CFAP92: variants seen among roughly 807,000 people sequenced by gnomAD.
CFAP92 encodes uncharacterized protein CFAP92.
In CFAP92, 86 loss-of-function variants were observed where a neutral mutation model predicts 106.3. The observed-to-expected ratio is 0.81, with a 90% CI of 0.68 to 0.97. CFAP92 has a LOEUF of 0.97. Ranked by LOEUF, CFAP92 falls within the 50% of genes least tolerant of loss-of-function variation. CFAP92 has a pLI of 0.00. For synonymous variants in CFAP92, 477 were observed against 506.4 expected (o/e 0.94, Z 0.78); for missense variants, 1,204 against 1,283.8 (o/e 0.94, Z 0.95).
upstream of CFAP92, chr3:129,004,126 A>C: frequency 7.1e-7 from 1 of 1,418,294 alleles, no homozygotes; most frequent in Non-Finnish European, 9.2e-7. Flanking sequence ...TTCGGCTCCC[A>C]TTTTCCCAAA....
chr3:128,998,650 C>G (rs533698226), upstream of CFAP92, among the ~76,000 whole-genome samples: 1 of 152,282 alleles, frequency 6.6e-6, no homozygotes, highest in African/African-American at 2.4e-5. Context: ...CGGAGAAAAG[C>G]TGAAAACCAC....
chr3:128,969,831 G>T (rs1205609477), intron 8 of CFAP92: 7 of 152,326 alleles, frequency 4.6e-5, no homozygotes, highest in African/African-American at 1.7e-4. Context: ...GGAGCGTGGG[G>T]TGGGGTAAGA....
At chr3:128,960,508 C>G (rs1941810993) in intron 9 of CFAP92, among the ~76,000 whole-genome samples, 1 of 152,192 alleles carries the variant, frequency 6.6e-6, no homozygotes, top group Non-Finnish European at 1.5e-5. Context: ...ATTTCAATTC[C>G]TTTCATTTTC....
intron 15 of CFAP92, chr3:128,912,952 T>G: frequency 2.0e-6 from 1 of 499,638 alleles, no homozygotes; most frequent in Non-Finnish European, 3.9e-6. Flanking sequence ...TGGGGACCTG[T>G]GTCAGGTGTG....
intron 2 of CFAP92, 98 bp from the exon 3 acceptor site, chr3:128,989,016 G>T: frequency 1.1e-6 from 1 of 918,236 alleles, no homozygotes; most frequent in Non-Finnish European, 1.7e-6. Context: ...GAGAGGCTGA[G>T]CACTCCACAT....
At chr3:128,988,153 ACACGTCTG>A (rs1943978046) in intron 3 of CFAP92, among the ~76,000 whole-genome samples, 1 of 152,094 alleles carries the variant, frequency 6.6e-6, no homozygotes, top group Non-Finnish European at 1.5e-5. Context: ...ACATGCACAC[ACACGTCTG>A]CACACATGCA....
chr3:128,912,106 TGA>T (rs1381769593), intron 15 of CFAP92, among the ~76,000 whole-genome samples: 5 of 152,336 alleles, frequency 3.3e-5, no homozygotes, highest in African/African-American at 4.8e-5. Flanking sequence ...TGGCACTTGC[TGA>T]GAGTGGCATA....
At chr3:128,946,582 T>TA (rs1940241341) in intron 9 of CFAP92, among the ~76,000 whole-genome samples, 1 of 152,230 alleles carries the variant, frequency 6.6e-6, no homozygotes, top group South Asian at 2.1e-4. Flanking sequence ...AATTAAGCCT[T>TA]ACACAAGTCT....
At chr3:128,933,056 C>T in intron 11 of CFAP92, 59 bp from the exon 12 acceptor site, 1 of 1,432,872 alleles carries the variant, frequency 7.0e-7, no homozygotes, top group South Asian at 1.2e-5. Context: ...CAGGTGTAAT[C>T]ACTCCCATCC....
At chr3:129,001,049 G>A (rs1278897938) in intron 1 of CFAP92, among the ~76,000 whole-genome samples, 2 of 152,218 alleles carry the variant, frequency 1.3e-5, no homozygotes, top group Non-Finnish European at 2.9e-5. Context: ...CCGCACCTAC[G>A]GCTACAGGGC....
At chr3:129,003,166 AGT>A, upstream of CFAP92, 1 of 928,142 alleles carries the variant, frequency 1.1e-6, no homozygotes, top group Non-Finnish European at 1.3e-6. Flanking sequence ...TGTGGTTTTC[AGT>A]GTCAGTGTGC....
intron 1 of CFAP92, chr3:129,001,493 C>G: frequency 7.8e-7 from 1 of 1,279,582 alleles, no homozygotes; most frequent in Non-Finnish European, 1.0e-6. Context: ...AGCTGCTGGA[C>G]ACGGTCCCCG....
intron 10 of CFAP92, among the ~76,000 whole-genome samples, chr3:128,943,952 C>T (rs1203395894): frequency 5.3e-5 from 6 of 112,768 alleles, no homozygotes; most frequent in African/African-American, 1.8e-4. Flanking sequence ...TAATTTGAGA[C>T]AGGGTCTGGC....
intron 2 of CFAP92, among the ~76,000 whole-genome samples, chr3:128,992,806 C>T (rs1289831445): frequency 6.6e-6 from 1 of 152,088 alleles, no homozygotes; most frequent in Non-Finnish European, 1.5e-5. Flanking sequence ...GCAGACAGAA[C>T]ATCACCTGCT....
chr3:128,926,660 G>T (rs1937681292), intron 12 of CFAP92, among the ~76,000 whole-genome samples: 1 of 152,154 alleles, frequency 6.6e-6, no homozygotes, highest in African/African-American at 2.4e-5. Flanking sequence ...GAAGTGTTAT[G>T]GACTGAATGT....
At chr3:128,960,551 G>A (rs920875907) in intron 9 of CFAP92, among the ~76,000 whole-genome samples, 1 of 152,146 alleles carries the variant, frequency 6.6e-6, no homozygotes, top group Admixed American at 6.5e-5. Context: ...TTTTATCCGT[G>A]GACCCAAAAC....
At chr3:128,956,196 T>TAAATAAATA (rs1941372225) in intron 9 of CFAP92, among the ~76,000 whole-genome samples, 1 of 61,716 alleles carries the variant, frequency 1.6e-5, no homozygotes, top group African/African-American at 9.2e-5. Flanking sequence ...AAAAAAAAAA[T>TAAATAAATA]AAAAAAAAAA....
chr3:128,994,468 T>C (rs1378394305), upstream of CFAP92, among the ~76,000 whole-genome samples: 19 of 152,110 alleles, frequency 1.2e-4, no homozygotes, highest in Non-Finnish European at 1.5e-5. Context: ...ATCCCTCTCA[T>C]TAGATTCTCT....
intron 12 of CFAP92, among the ~76,000 whole-genome samples, chr3:128,916,616 CA>C (rs200084285): frequency 0.018 from 2,776 of 152,262 alleles, 85 homozygotes; most frequent in African/African-American, 0.063. Flanking sequence ...GGGGATATTA[CA>C]ACCTAAAGCA....
Sources: allele counts gnomAD v4.1 joint callset (sites outside exome capture counted in the v4.1 genomes callset), GRCh38; gene constraint gnomAD v4.1.1; transcripts MANE v1.5; gene names NCBI Gene and HGNC (gene_info 2026-07-23, HGNC 2026-07-21).